Variants in CHSY3 observed in about 807,000 individuals in gnomAD.
CHSY3 encodes N-acetylgalactosaminyl-proteoglycan 3-beta-glucuronosyltransferase 3.
CHSY3 carries 35 observed loss-of-function variants against 67.2 expected under a neutral mutation model. The ratio of observed to expected loss-of-function variants is 0.52; its 90% CI spans 0.40 to 0.69. The LOEUF (loss-of-function observed/expected upper bound fraction) is 0.69, where lower values mean the gene tolerates loss of function less well. Ranked by LOEUF, CHSY3 falls within the 30% of genes least tolerant of loss-of-function variation. The pLI is 0.00. For missense variants in CHSY3, 1,069 were observed against 1,138.5 expected (o/e 0.94, Z 0.88); for synonymous variants, 474 against 434.7 (o/e 1.09, Z -1.12).
At chr5:130,121,819 A>C (rs1198951119) in intron 2 of CHSY3, among the ~76,000 whole-genome samples, 1 of 152,008 alleles carries the variant, frequency 6.6e-6, no homozygotes, top group Non-Finnish European at 1.5e-5. Flanking sequence ...TTTTTTCAGA[A>C]ATAGGAAAGT....
Position 130,032,990 on chromosome 5 carries a change from C to A in CHSY3, c.1086+124630C>A, listed in dbSNP as rs145065444. Reference sequence around the variant, plus strand: ...GTCCGTCATACCAGTCTTGCTCAATCCTGGGCTGTGGGCCACTCTGAGAAG... The same window carrying A: ...GTCCGTCATACCAGTCTTGCTCAATACTGGGCTGTGGGCCACTCTGAGAAG... On this transcript the variant is annotated intron_variant, in intron 2 of 2. Transcript: ENST00000305031. Among the ~76,000 whole-genome samples the A allele has an allele frequency of 2.9e-4, 44 of 152,232 alleles. No homozygotes were observed. The East Asian group carries it at 7.2e-3, about 25-fold the overall frequency.
chr5:129,977,242 T>C (rs1439109936), intron 2 of CHSY3, among the ~76,000 whole-genome samples: 2 of 152,138 alleles, frequency 1.3e-5, no homozygotes, highest in African/African-American at 4.8e-5. Context: ...TACATCACAC[T>C]GGCTCCCAAG....
At chr5:130,120,927 A>C (rs1767995683) in intron 2 of CHSY3, among the ~76,000 whole-genome samples, 1 of 152,112 alleles carries the variant, frequency 6.6e-6, no homozygotes, top group Non-Finnish European at 1.5e-5. Context: ...CACCTTGAAG[A>C]AGAGACTCCT....
At chr5:130,098,176 T>TTTATAGC (rs1767113728) in intron 2 of CHSY3, among the ~76,000 whole-genome samples, 1 of 152,274 alleles carries the variant, frequency 6.6e-6, no homozygotes, top group African/African-American at 2.4e-5. Flanking sequence ...GAAGTATCCC[T>TTTATAGC]CATGAGAACC....
chr5:130,148,418 G>T (rs778728373), intron 2 of CHSY3, among the ~76,000 whole-genome samples: 1 of 152,182 alleles, frequency 6.6e-6, no homozygotes, highest in Non-Finnish European at 1.5e-5. Context: ...CCCAGTAATG[G>T]GATTGCTGGG....
At chr5:129,968,688 T>A (rs983656463) in intron 2 of CHSY3, among the ~76,000 whole-genome samples, 1 of 151,826 alleles carries the variant, frequency 6.6e-6, no homozygotes, top group Non-Finnish European at 1.5e-5. Context: ...AACCAACAGT[T>A]TTGAATGAAG....
chr5:130,038,971 A>G (rs530061046), intron 2 of CHSY3, among the ~76,000 whole-genome samples: 1 of 152,296 alleles, frequency 6.6e-6, no homozygotes, highest in African/African-American at 2.4e-5. Flanking sequence ...CCACTGAAAG[A>G]AATGCTGAAA....
intron 2 of CHSY3, among the ~76,000 whole-genome samples, chr5:130,147,778 G>A (rs181807579): frequency 3.9e-5 from 6 of 152,252 alleles, no homozygotes; most frequent in Admixed American, 6.5e-5. Flanking sequence ...GAATGAGAGC[G>A]AGTAGGGGTA....
At chr5:130,115,443 T>A (rs541133277) in intron 2 of CHSY3, among the ~76,000 whole-genome samples, 1 of 152,206 alleles carries the variant, frequency 6.6e-6, no homozygotes, top group Non-Finnish European at 1.5e-5. Flanking sequence ...TTTTTACTTA[T>A]GTTTTATGTC....
intron 2 of CHSY3, among the ~76,000 whole-genome samples, chr5:130,026,755 AT>A (rs1435407741): frequency 6.6e-6 from 1 of 152,216 alleles, no homozygotes; most frequent in Non-Finnish European, 1.5e-5. Flanking sequence ...AGCTTGGCAT[AT>A]TAATCTATTT....
intron 2 of CHSY3, among the ~76,000 whole-genome samples, chr5:130,063,703 T>G (rs545744653): frequency 6.3e-4 from 96 of 152,102 alleles, no homozygotes; most frequent in African/African-American, 2.2e-3. Flanking sequence ...GTTCTGGAGG[T>G]TGATAAGTCG....
chr5:130,143,236 GT>G lies in CHSY3; in HGVS notation c.1087-40992del, dbSNP rs1323428912. On this transcript the variant is annotated intron_variant, in intron 2 of 2. Coordinates refer to ENST00000305031, the MANE Select transcript of CHSY3 (RefSeq NM_175856.5). ...CATTGTCACAACTTGTCTAATAGAA[GT>G]AGTTTGAGTTCATCATTTGAAATAG... Among the ~76,000 whole-genome samples, 3 of 152,188 alleles carry G rather than the reference GT, an allele frequency of 2.0e-5. No individual in the cohort carries two copies. In the East Asian group the frequency reaches 5.8e-4, roughly 29 times the overall value.
intron 2 of CHSY3, among the ~76,000 whole-genome samples, chr5:130,105,924 T>C (rs1474053060): frequency 6.6e-6 from 1 of 151,654 alleles, no homozygotes; most frequent in Non-Finnish European, 1.5e-5. Context: ...TCAAAACTAT[T>C]TTTCTCCAGT....
At chr5:130,118,201 T>G (rs945831360) in intron 2 of CHSY3, among the ~76,000 whole-genome samples, 1 of 152,180 alleles carries the variant, frequency 6.6e-6, no homozygotes, top group African/African-American at 2.4e-5. Flanking sequence ...TTTTTCCTTA[T>G]AAATTACCCA....
intron 2 of CHSY3, among the ~76,000 whole-genome samples, chr5:129,939,427 A>G (rs1186202646): frequency 6.6e-6 from 1 of 152,216 alleles, no homozygotes; most frequent in East Asian, 1.9e-4. Flanking sequence ...AATTTTTAAT[A>G]TGACCCTTTA....
intron 2 of CHSY3, among the ~76,000 whole-genome samples, chr5:129,937,609 A>G (rs1761543533): frequency 6.6e-6 from 1 of 152,112 alleles, no homozygotes; most frequent in Non-Finnish European, 1.5e-5. Context: ...CTCATCTGAG[A>G]CAAGGCAAGT....
intron 2 of CHSY3, among the ~76,000 whole-genome samples, chr5:130,036,593 C>T (rs917509295): frequency 6.6e-6 from 1 of 152,108 alleles, no homozygotes; most frequent in African/African-American, 2.4e-5. Flanking sequence ...GAGAAAAGAC[C>T]TCAGACCTTG....
chr5:130,148,783 A>C (rs1220209893), intron 2 of CHSY3, among the ~76,000 whole-genome samples: 1 of 152,148 alleles, frequency 6.6e-6, no homozygotes, highest in African/African-American at 2.4e-5. Flanking sequence ...AGTTCCTTAT[A>C]GATGCTGGAT....
At chr5:129,914,411 C>A (rs1760671861) in intron 2 of CHSY3, among the ~76,000 whole-genome samples, 1 of 152,196 alleles carries the variant, frequency 6.6e-6, no homozygotes, top group Non-Finnish European at 1.5e-5. Context: ...CCGCGCCCAG[C>A]CAAATTTCCC....
Sources: gnomAD v4.1 joint callset for allele counts (sites outside exome capture counted in the v4.1 genomes callset) on GRCh38, gnomAD v4.1.1 for gene constraint, MANE v1.5 for transcripts, NCBI Gene and HGNC (gene_info 2026-07-23, HGNC 2026-07-21) for gene names.